PDIA5: variants seen among roughly 807,000 people sequenced by gnomAD.
PDIA5 encodes the protein protein disulfide-isomerase A5.
A neutral mutation model predicts 77.6 loss-of-function variants in PDIA5; 58 were observed. The ratio of observed to expected loss-of-function variants is 0.75; its 90% confidence interval spans 0.61 to 0.93. The LOEUF (loss-of-function observed/expected upper bound fraction) is 0.93. Ranked by LOEUF, PDIA5 falls within the 40% of genes least tolerant of loss-of-function variation. The probability of loss-of-function intolerance (pLI) is 0.00; values close to 1 mark genes in which losing one functional copy is unlikely to be tolerated. For missense variants in PDIA5, 630 were observed against 647.7 expected (o/e 0.97, Z 0.30); for synonymous variants, 250 against 252.1 (o/e 0.99, Z 0.08).
At chr3:123,068,947 G>A (rs1933657573) in intron 1 of PDIA5, among the ~76,000 whole-genome samples, 1 of 152,230 alleles carries the variant, frequency 6.6e-6, no homozygotes, top group African/African-American at 2.4e-5. Context: ...TCTGAAAGAT[G>A]TGTGGTAGTT....
chr3:123,123,590 A>G (rs1053573742), intron 8 of PDIA5, among the ~76,000 whole-genome samples: 5 of 152,252 alleles, frequency 3.3e-5, no homozygotes, highest in African/African-American at 1.2e-4. Flanking sequence ...ACCGTGAGGT[A>G]TCCAGGAAGG....
chr3:123,140,781 C>T (rs1935613691), intron 11 of PDIA5, among the ~76,000 whole-genome samples: 1 of 152,208 alleles, frequency 6.6e-6, no homozygotes, highest in South Asian at 2.1e-4. Context: ...CGAGTGCTTT[C>T]CTTATAGAGG....
At chr3:123,096,995 C>T (rs1934460774) in intron 3 of PDIA5, among the ~76,000 whole-genome samples, 3 of 152,198 alleles carry the variant, frequency 2.0e-5, no homozygotes, top group Non-Finnish European at 4.4e-5. Flanking sequence ...ACTTTCTTTT[C>T]CTCGGGGCTT....
chr3:123,154,124 G>A (rs565796123), intron 14 of PDIA5, among the ~76,000 whole-genome samples: 1 of 152,180 alleles, frequency 6.6e-6, no homozygotes, highest in Non-Finnish European at 1.5e-5. Flanking sequence ...GGAGAAAGTG[G>A]CCCCCACAGA....
intron 13 of PDIA5, 47 bp downstream of exon 13, chr3:123,146,306 C>T (rs1382201050): frequency 9.3e-6 from 14 of 1,508,260 alleles, no homozygotes; most frequent in Non-Finnish European, 1.0e-5. Flanking sequence ...CAGCTGGCGG[C>T]CCCTGGAGAC....
intron 1 of PDIA5, among the ~76,000 whole-genome samples, chr3:123,073,187 A>G (rs572103734): frequency 6.6e-6 from 1 of 152,324 alleles, no homozygotes; most frequent in Admixed American, 6.5e-5. Flanking sequence ...TTTGAGCCCC[A>G]TGTAACTTGG....
At chr3:123,075,048 T>TTA (rs755080985) in intron 1 of PDIA5, among the ~76,000 whole-genome samples, 7 of 152,244 alleles carry the variant, frequency 4.6e-5, no homozygotes, top group Non-Finnish European at 1.0e-4. Flanking sequence ...AGCACAAAGA[T>TTA]TATTGCCCTG....
At chr3:123,080,153 T>G (rs1235245193) in intron 1 of PDIA5, among the ~76,000 whole-genome samples, 3 of 149,118 alleles carry the variant, frequency 2.0e-5, no homozygotes, top group South Asian at 2.2e-4. Context: ...GATGGGTGTG[T>G]GTGTGGGGGG....
chr3:123,119,947 C>G (rs1420321907), intron 8 of PDIA5, among the ~76,000 whole-genome samples: 1 of 152,184 alleles, frequency 6.6e-6, no homozygotes, highest in African/African-American at 2.4e-5. Context: ...GATGCACAGC[C>G]TTTGCCATTT....
chr3:123,106,983 A>G, intron 6 of PDIA5, 142 bp downstream of exon 6: 1 of 654,764 alleles, frequency 1.5e-6, no homozygotes, highest in South Asian at 1.9e-5. Context: ...CTAGGCCAGG[A>G]CCCTAATATT....
intron 1 of PDIA5, among the ~76,000 whole-genome samples, chr3:123,088,907 C>T (rs921729025): frequency 1.3e-5 from 2 of 152,116 alleles, no homozygotes; most frequent in South Asian, 2.1e-4. Flanking sequence ...TCTGTGGATG[C>T]GGAACCTGCG....
intron 14 of PDIA5, among the ~76,000 whole-genome samples, chr3:123,151,655 C>T (rs1323993379): frequency 1.3e-5 from 2 of 152,248 alleles, no homozygotes; most frequent in South Asian, 2.1e-4. Context: ...CTGCTGGGAC[C>T]GACAGGTGCT....
At chr3:123,132,989 G>A (rs1935405836) in intron 11 of PDIA5, among the ~76,000 whole-genome samples, 1 of 152,176 alleles carries the variant, frequency 6.6e-6, no homozygotes, top group East Asian at 1.9e-4. Flanking sequence ...TATACTGCCC[G>A]TCAATGTTCC....
At chr3:123,090,817 A>T (rs1351345367) in intron 2 of PDIA5, among the ~76,000 whole-genome samples, 2 of 152,106 alleles carry the variant, frequency 1.3e-5, no homozygotes, top group Non-Finnish European at 2.9e-5. Flanking sequence ...TTGAGAGTAG[A>T]GCCCCTGGTG....
At chr3:123,072,363 C>G (rs1470768373) in intron 1 of PDIA5, among the ~76,000 whole-genome samples, 1 of 152,186 alleles carries the variant, frequency 6.6e-6, no homozygotes, top group African/African-American at 2.4e-5. Flanking sequence ...CCCAACACAG[C>G]GCTTGGCACG....
chr3:123,136,542 C>T (rs1935508142), intron 11 of PDIA5, among the ~76,000 whole-genome samples: 1 of 151,920 alleles, frequency 6.6e-6, no homozygotes, highest in African/African-American at 2.4e-5. Flanking sequence ...AGTTCGAGAC[C>T]AGCCTGGCCA....
At chr3:123,081,197 C>T (rs907210638) in intron 1 of PDIA5, among the ~76,000 whole-genome samples, 3 of 152,190 alleles carry the variant, frequency 2.0e-5, no homozygotes, top group Non-Finnish European at 2.9e-5. Flanking sequence ...CAGTACTTCT[C>T]TGGTGGTGGT....
chr3:123,144,333 T>C (rs1347986359), intron 11 of PDIA5, among the ~76,000 whole-genome samples: 1 of 152,144 alleles, frequency 6.6e-6, no homozygotes, highest in East Asian at 1.9e-4. Flanking sequence ...TCACGACCTG[T>C]CATCCGCTGA....
chr3:123,158,690 G>C (rs1257519900), intron 15 of PDIA5, among the ~76,000 whole-genome samples: 1 of 152,218 alleles, frequency 6.6e-6, no homozygotes, highest in African/African-American at 2.4e-5. Context: ...GCTGAGAGTA[G>C]CAGGTGCTGT....
Sources: gnomAD v4.1 joint callset for allele counts (sites outside exome capture counted in the v4.1 genomes callset) on GRCh38, gnomAD v4.1.1 for gene constraint, MANE v1.5 for transcripts, NCBI Gene and HGNC (gene_info 2026-07-23, HGNC 2026-07-21) for gene names.